Variants in RGS12 observed in about 807,000 individuals in gnomAD.
RGS12 encodes regulator of G protein signaling 12, also known as regulator of G-protein signaling 12.
Under a neutral mutation model 120.1 loss-of-function variants are expected in RGS12, and 66 were observed. The observed-to-expected ratio is 0.55, with a 90% CI of 0.45 to 0.67. The LOEUF (loss-of-function observed/expected upper bound fraction) is 0.67. Among genes scored for constraint, RGS12 ranks in the 30% least tolerant of loss-of-function variants. The pLI, the probability that RGS12 is intolerant of heterozygous loss-of-function variation, is 0.00. For synonymous variants in RGS12, 827 were observed against 804.7 expected, an observed-to-expected ratio of 1.03 and a Z score of -0.47; for missense variants, 1,859 against 1,957.7, an observed-to-expected ratio of 0.95 and a Z score of 0.95.
chr4:3,311,421 A>G (rs1044114074), intron 1 of RGS12, among the ~76,000 whole-genome samples: 2 of 151,674 alleles, frequency 1.3e-5, no homozygotes, highest in African/African-American at 4.8e-5. Flanking sequence ...AGCAATATTT[A>G]TTTCTAGATC....
intron 4 of RGS12, chr4:3,412,973 G>T (rs999597323): frequency 6.7e-6 from 1 of 149,474 alleles, no homozygotes; most frequent in Admixed American, 6.6e-5. Flanking sequence ...CACTGCTCAC[G>T]TCAGGAGGGA....
intron 4 of RGS12, chr4:3,413,006 GCGT>G (rs1721907259): frequency 7.0e-6 from 1 of 142,684 alleles, no homozygotes; most frequent in African/African-American, 2.6e-5. Context: ...CACACTGCTC[GCGT>G]CAGGAGGGAC....
In RGS12 at chr4:3,439,677, T is replaced by G; in HGVS notation, c.4337T>G (p.Phe1446Cys). The G allele has an allele frequency of 6.6e-7, 1 of 1,525,470 alleles. No individual in the cohort carries two copies. Among genetic ancestry groups the G allele is most frequent in the Non-Finnish European group, 8.8e-7 (1 of 1,135,518 alleles). The allele number at this position is 1,525,470 out of a possible 1,614,324, so 94.5% of individuals were successfully genotyped here. A position where few individuals can be genotyped will look rare whatever the true frequency, so the allele number is the denominator to read the frequency against. The change falls in exon 18 of 18, where the codon TTC becomes TGC. Residue 1446 changes from phenylalanine (F) to cysteine (C), a missense_variant. Transcript: ENST00000336727. Reference sequence around the variant, plus strand: ...AAGACCAGCGCTCACCACGCCACCTTCGTCTGAGCTGCCCTGGCCTGGCCA... The same window carrying G: ...AAGACCAGCGCTCACCACGCCACCTGCGTCTGAGCTGCCCTGGCCTGGCCA... ...KPKTSAHHATFV is the reference protein window; with the variant it reads ...KPKTSAHHATCV
chr4:3,356,215 C>T (rs1042790580), intron 3 of RGS12, among the ~76,000 whole-genome samples: 46 of 151,800 alleles, frequency 3.0e-4, no homozygotes, highest in Admixed American at 7.9e-4. Context: ...CCATCATGCC[C>T]GGATAATTTT....
chr4:3,428,618 A>C lies in RGS12; in HGVS notation c.3472A>C (p.Asn1158His). 1 of 1,605,020 alleles carries C rather than the reference A, an allele frequency of 6.2e-7. No homozygotes were observed. Among genetic ancestry groups the C allele is most frequent in the Non-Finnish European group, 8.5e-7 (1 of 1,177,164 alleles). ...SIKIKGENGKNARDPRLSKRE... is the reference protein window; with the variant it reads ...SIKIKGENGKHARDPRLSKRE... ...TAAAATAAAAGGAGAAAATGGAAAA[A>C]ATGCTAGGGATCCCCGGCTTTCAAA... Residue 1158 changes from asparagine (N) to histidine (H), a missense_variant, in exon 16 of 18, where the codon AAT becomes CAT. Around this residue, in one of 3 missense-constraint regions of RGS12, gnomAD observed 517 missense variants for 488.5 expected, o/e 1.06. Coordinates refer to ENST00000336727, the MANE Select transcript of RGS12 (RefSeq NM_001394154.1).
At chr4:3,386,543 CT>C (rs1321595665) in intron 4 of RGS12, 106 bp downstream of exon 4, 48 of 957,320 alleles carry the variant, frequency 5.0e-5, no homozygotes, top group Non-Finnish European at 7.5e-5. Flanking sequence ...GGTTGTTTGC[CT>C]TTCCCTGTCT....
chr4:3,287,113 C>A, the RGS12 span, among the ~76,000 whole-genome samples: 1 of 152,170 alleles, frequency 6.6e-6, no homozygotes, highest in Non-Finnish European at 1.5e-5. Context: ...GAGCTCTGAG[C>A]GCTACCTGCT....
intron 17 of RGS12, among the ~76,000 whole-genome samples, chr4:3,434,432 G>A (rs116405202): frequency 1.6e-3 from 243 of 152,268 alleles, no homozygotes; most frequent in Admixed American, 4.3e-3. Flanking sequence ...TGCATGCCTG[G>A]TGTGTGTTCG....
chr4:3,439,389 G>C (rs1725120183), intron 17 of RGS12, 66 bp from the exon 18 acceptor site: 2 of 1,512,876 alleles, frequency 1.3e-6, no homozygotes, highest in Non-Finnish European at 9.2e-7. Context: ...CTTCGGGGTA[G>C]GGGGTGGGTT....
In RGS12 at chr4:3,390,368, G is replaced by A. The variant is rs942836161; in HGVS notation, c.2020+3931G>A. On this transcript the variant is annotated intron_variant, in intron 4 of 17. Transcript: ENST00000336727. The surrounding 1 kb of genome is among the most constrained non-coding windows in gnomAD (Gnocchi z 4.6). ...GAGTTGTCCCGGCACCCGGCACAGC[G>A]GCTGGCACGAGAGCTGTCTGTTGAG... 2.6e-5 allele frequency among the ~76,000 whole-genome samples: 4 copies of A among 152,204 alleles called. No individual in the cohort carries two copies. The highest frequency in any genetic ancestry group is 2.1e-4 in the South Asian group (1 of 4,828).
Position 3,344,137 on chromosome 4 carries a change from C to G in RGS12, c.1998+1084C>G, listed in dbSNP as rs143947682. Among the ~76,000 whole-genome samples, 607 of 152,278 alleles carry G rather than the reference C, an allele frequency of 4.0e-3. 2 individuals carry two copies. The highest frequency in any genetic ancestry group is 0.014 in the African/African-American group (577 of 41,546). On this transcript the variant is annotated intron_variant, in intron 3 of 17. Coordinates refer to ENST00000336727, the MANE Select transcript of RGS12 (RefSeq NM_001394154.1). ...CCAGACTCCGTCCACAGTGACTGCTCCAGCTCCTGCTCTTCCAGGAGAAAA... is the reference window on the plus strand; with the variant it reads ...CCAGACTCCGTCCACAGTGACTGCTGCAGCTCCTGCTCTTCCAGGAGAAAA...
chr4:3,309,109 G>A (rs1366832579), intron 1 of RGS12, among the ~76,000 whole-genome samples: 5 of 119,562 alleles, frequency 4.2e-5, no homozygotes, highest in Non-Finnish European at 8.9e-5. Context: ...GAGGGGAACC[G>A]TGTTGAGGAG....
At chr4:3,292,873 C>A (rs1458958179), upstream of RGS12, among the ~76,000 whole-genome samples, 6 of 151,800 alleles carry the variant, frequency 4.0e-5, no homozygotes, top group African/African-American at 1.4e-4. Context: ...GACGCGAAGG[C>A]CCTCGCCCCG....
chr4:3,377,399 A>G (rs867058066), intron 3 of RGS12, among the ~76,000 whole-genome samples: 1 of 152,074 alleles, frequency 6.6e-6, no homozygotes, highest in Admixed American at 6.5e-5. Flanking sequence ...TCATTTATTT[A>G]TATTTCTTCT....
chr4:3,316,449 G>A lies in RGS12; in HGVS notation c.279G>A (p.Met93Ile), dbSNP rs762842367. Reference protein sequence around the residue: ...LIGKCSGVLHMVIAEGVGRFE... With the variant: ...LIGKCSGVLHIVIAEGVGRFE... ...GGAAGTGCTCTGGTGTCCTTCACAT[G>A]GTGATTGCTGAAGGCGTCGGCCGCT... The change falls in exon 2 of 18, where the codon ATG becomes ATA. Residue 93 changes from methionine (M) to isoleucine (I), a missense_variant. Around this residue, in one of 3 missense-constraint regions of RGS12, gnomAD observed 967 missense variants for 994.2 expected, o/e 0.97. Coordinates refer to ENST00000336727, the MANE Select transcript of RGS12 (RefSeq NM_001394154.1). 1 of 1,614,196 alleles carries A rather than the reference G, an allele frequency of 6.2e-7. No homozygotes were observed.
chr4:3,439,388 AGGGGGT>A, intron 17 of RGS12, 61 bp from the exon 18 acceptor site: 1 of 1,480,246 alleles, frequency 6.8e-7, no homozygotes, highest in East Asian at 2.3e-5. Flanking sequence ...CCTTCGGGGT[AGGGGGT>A]GGGTTCCGGG....
chr4:3,331,368 C>T (rs925537003), intron 2 of RGS12, among the ~76,000 whole-genome samples: 1 of 151,944 alleles, frequency 6.6e-6, no homozygotes, highest in Non-Finnish European at 1.5e-5. Flanking sequence ...GTTTCAACTT[C>T]TTATGATGGG....
At chr4:3,355,209 G>A (rs994353003) in intron 3 of RGS12, among the ~76,000 whole-genome samples, 1 of 152,132 alleles carries the variant, frequency 6.6e-6, no homozygotes, top group Non-Finnish European at 1.5e-5. Context: ...ACAGAAGCAG[G>A]AAAGGCATTT....
chr4:3,420,099 T>G (rs534015264), intron 9 of RGS12, among the ~76,000 whole-genome samples: 1 of 152,278 alleles, frequency 6.6e-6, no homozygotes, highest in Non-Finnish European at 1.5e-5. Flanking sequence ...TTAGTTGAGG[T>G]TGGTGAAAAT....
Sources: gnomAD v4.1 joint callset for allele counts (sites outside exome capture counted in the v4.1 genomes callset) on GRCh38, gnomAD v4.1.1 for gene constraint, gnomAD v4.1.1 regional missense constraint, Gnocchi (gnomAD v3.1) non-coding constraint, MANE v1.5 for transcripts, NCBI Gene and HGNC (gene_info 2026-07-23, HGNC 2026-07-21) for gene names.